Variants in FRMPD2 observed in about 807,000 individuals in gnomAD.
FRMPD2 encodes FERM and PDZ domain-containing protein 2.
FRMPD2 carries 96 observed loss-of-function variants against 140.1 expected under a neutral mutation model. That is an observed-to-expected ratio of 0.69 (90% confidence interval 0.58 to 0.81). The LOEUF (loss-of-function observed/expected upper bound fraction) is 0.81, where lower values mean the gene tolerates loss of function less well. Among genes scored for constraint, FRMPD2 ranks in the 40% least tolerant of loss-of-function variants. The pLI is 0.00. For missense variants in FRMPD2, 1,240 were observed against 1,447.4 expected, an observed-to-expected ratio of 0.86 and a Z score of 2.32; for synonymous variants, 449 against 547.6, an observed-to-expected ratio of 0.82 and a Z score of 2.52.
At chr10:48,201,159 T>A (rs201819722) in intron 15 of FRMPD2, 69 bp downstream of exon 15, 7 of 1,257,222 alleles carry the variant, frequency 5.6e-6, no homozygotes, top group Non-Finnish European at 7.6e-6. Context: ...ATTGTATCTA[T>A]TTATACAAAT....
intron 10 of FRMPD2, among the ~76,000 whole-genome samples, chr10:48,225,110 T>C (rs1839693307): frequency 6.6e-6 from 1 of 152,180 alleles, no homozygotes; most frequent in African/African-American, 2.4e-5. Flanking sequence ...CTAAGCCAGA[T>C]GGGCTGGGAG....
chr10:48,243,134 G>A (rs931810572), intron 4 of FRMPD2, among the ~76,000 whole-genome samples: 4 of 152,184 alleles, frequency 2.6e-5, no homozygotes, highest in Admixed American at 6.5e-5. Context: ...AAATCCAGGC[G>A]TCTTTTGTGC....
rs1359235133 is a variant in FRMPD2, at chr10:48,187,193, T to G, written c.2265A>C (p.Ala755=). 1.2e-6 allele frequency: 2 copies of G among 1,612,436 alleles called. No individual in the cohort carries two copies. Among genetic ancestry groups the G allele is most frequent in the Non-Finnish European group, 8.5e-7 (1 of 1,178,802 alleles). The change falls in exon 17 of 29, where the codon GCA becomes GCC. Residue 755 remains alanine, a splice_region_variant and synonymous_variant. Coordinates refer to ENST00000374201, the MANE Select transcript of FRMPD2 (RefSeq NM_001018071.4). ...LSGPPVQSMH[A]GSKNNRRKSF... is the part of the protein sequence containing the mutation. ...ACCTGGTCGTGGCCTGGCCCATACCTGCATGCATGCTCTGAACAGGTGGTC... is the reference window on the plus strand; with the variant it reads ...ACCTGGTCGTGGCCTGGCCCATACCGGCATGCATGCTCTGAACAGGTGGTC...
chr10:48,187,114 G>A (rs761969043), intron 17 of FRMPD2, 78 bp downstream of exon 17: 69 of 854,010 alleles, frequency 8.1e-5, no homozygotes, highest in Non-Finnish European at 1.3e-4. Flanking sequence ...GCAAAAATAA[G>A]TGGTGGTAAA....
intron 1 of FRMPD2, among the ~76,000 whole-genome samples, chr10:48,259,736 C>G (rs1160863390): frequency 6.6e-6 from 1 of 151,734 alleles, no homozygotes; most frequent in East Asian, 1.9e-4. Context: ...AATAGACTCA[C>G]TATTCATAGA....
At chr10:48,250,766 C>T (rs1466552901) in intron 2 of FRMPD2, among the ~76,000 whole-genome samples, 1 of 151,104 alleles carries the variant, frequency 6.6e-6, no homozygotes, top group African/African-American at 2.4e-5. Context: ...CTATTAACCT[C>T]CCCTGTTTAG....
intron 16 of FRMPD2, among the ~76,000 whole-genome samples, chr10:48,189,852 G>A (rs139039602): frequency 7.2e-5 from 11 of 152,278 alleles, no homozygotes; most frequent in Non-Finnish European, 8.8e-5. Context: ...CACTGTGTTC[G>A]AGACCAGCAT....
At chr10:48,181,999 G>T (rs1838565243) in intron 20 of FRMPD2, among the ~76,000 whole-genome samples, 3 of 151,360 alleles carry the variant, frequency 2.0e-5, no homozygotes, top group Admixed American at 2.0e-4. Flanking sequence ...AAATATATGT[G>T]GGAGGAATGA....
At chr10:48,252,730 G>A (rs780803455) in intron 1 of FRMPD2, among the ~76,000 whole-genome samples, 4 of 152,178 alleles carry the variant, frequency 2.6e-5, no homozygotes, top group South Asian at 4.1e-4. Flanking sequence ...CCTGTGAGCC[G>A]TCACTTATCA....
chr10:48,192,056 A>G (rs956578021), intron 16 of FRMPD2, among the ~76,000 whole-genome samples: 1 of 152,198 alleles, frequency 6.6e-6, no homozygotes, highest in African/African-American at 2.4e-5. Flanking sequence ...CTGGCTGATA[A>G]TAAGGCCAAA....
intron 1 of FRMPD2, among the ~76,000 whole-genome samples, chr10:48,269,248 T>TA (rs1840728332): frequency 6.6e-6 from 1 of 152,240 alleles, no homozygotes. Flanking sequence ...GGCCCTCTCA[T>TA]AACACCCATT....
intron 1 of FRMPD2, among the ~76,000 whole-genome samples, chr10:48,255,199 T>G (rs1840465086): frequency 6.6e-6 from 1 of 152,156 alleles, no homozygotes; most frequent in Admixed American, 6.5e-5. Context: ...GCTCATCTAG[T>G]AGCATAGAAG....
chr10:48,211,159 C>T (rs1314277043), intron 13 of FRMPD2, among the ~76,000 whole-genome samples: 1 of 152,234 alleles, frequency 6.6e-6, no homozygotes, highest in African/African-American at 2.4e-5. Context: ...AGAGCATGTG[C>T]TTTTTGTCTC....
chr10:48,251,335 A>T (rs755297863), intron 2 of FRMPD2, among the ~76,000 whole-genome samples: 10 of 152,256 alleles, frequency 6.6e-5, no homozygotes, highest in Non-Finnish European at 1.2e-4. Flanking sequence ...TGACTCTGCC[A>T]CATGGCATGG....
In FRMPD2 at chr10:48,237,718, C is replaced by T. The variant is rs541335748; in HGVS notation, c.921+273G>A. Among the ~76,000 whole-genome samples, 258 of 152,284 alleles carry T rather than the reference C, an allele frequency of 1.7e-3. 1 individual carries two copies. Among genetic ancestry groups the T allele is most frequent in the African/African-American group, 5.9e-3 (247 of 41,546 alleles). ...TGTAGCACGCTCTGCCACCACCCTG[C>T]GCACCGGTGGCTTCCTCTAGGGTGG... On this transcript the variant is annotated intron_variant, in intron 8 of 28. Coordinates refer to ENST00000374201, the MANE Select transcript of FRMPD2 (RefSeq NM_001018071.4).
chr10:48,207,660 C>G (rs999668116), intron 13 of FRMPD2, among the ~76,000 whole-genome samples: 1 of 152,178 alleles, frequency 6.6e-6, no homozygotes, highest in East Asian at 1.9e-4. Flanking sequence ...AACTTTCCCA[C>G]CTTCATCTTC....
chr10:48,160,469 T>G (rs1837906890), intron 28 of FRMPD2, among the ~76,000 whole-genome samples: 1 of 140,454 alleles, frequency 7.1e-6, no homozygotes, highest in Admixed American at 7.1e-5. Context: ...GAAAACAGAC[T>G]TGCATTGAGT....
intron 14 of FRMPD2, among the ~76,000 whole-genome samples, chr10:48,204,122 C>A (rs1839149448): frequency 6.6e-6 from 1 of 152,136 alleles, no homozygotes; most frequent in Non-Finnish European, 1.5e-5. Context: ...AATACCCAGC[C>A]CCCGAAGGAA....
At chr10:48,251,501 G>T (rs1012782354) in intron 2 of FRMPD2, 65 bp downstream of exon 2, 1 of 1,595,526 alleles carries the variant, frequency 6.3e-7, no homozygotes, top group African/African-American at 1.3e-5. Flanking sequence ...AGCCAGAACT[G>T]TGTTTGTGTG....
Sources: allele counts gnomAD v4.1 joint callset (sites outside exome capture counted in the v4.1 genomes callset), GRCh38; gene constraint gnomAD v4.1.1; transcripts MANE v1.5; gene names NCBI Gene and HGNC (gene_info 2026-07-23, HGNC 2026-07-21).